LRBA: variants seen among roughly 807,000 people sequenced by gnomAD.
LRBA encodes the protein lipopolysaccharide-responsive and beige-like anchor protein.
Under a neutral mutation model 330.0 loss-of-function variants are expected in LRBA, and 176 were observed. The ratio of observed to expected loss-of-function variants is 0.53; its 90% CI spans 0.47 to 0.60. LRBA has a LOEUF of 0.60. LRBA is among the 20% of genes least tolerant of loss of function. The pLI is 0.00. For missense variants in LRBA, 3,259 were observed against 3,444.8 expected, an observed-to-expected ratio of 0.95 and a Z score of 1.35; for synonymous variants, 1,230 against 1,193.0, an observed-to-expected ratio of 1.03 and a Z score of -0.64.
chr4:150,823,353 T>G (rs998612360), intron 30 of LRBA, among the ~76,000 whole-genome samples: 1 of 152,204 alleles, frequency 6.6e-6, no homozygotes, highest in South Asian at 2.1e-4. Flanking sequence ...TTCTGATTAT[T>G]AGAACCCTTG....
chr4:150,783,108 C>G (rs763414647), intron 34 of LRBA, among the ~76,000 whole-genome samples: 8 of 152,104 alleles, frequency 5.3e-5, no homozygotes, highest in Admixed American at 2.0e-4. Flanking sequence ...GATATCACAC[C>G]GAGCAATCTA....
chr4:150,570,906 G>T (rs1013078669), intron 40 of LRBA, among the ~76,000 whole-genome samples: 1 of 152,124 alleles, frequency 6.6e-6, no homozygotes, highest in Non-Finnish European at 1.5e-5. Context: ...AATACAGAGT[G>T]TCAAATTGAC....
In LRBA at chr4:151,014,459, T is replaced by C. The variant is rs368681065; in HGVS notation, c.184A>G (p.Asn62Asp). The stretch of plus-strand genomic sequence containing the variant: ...AAGACAGTTTCTACAATATCCCTAT[T>C]GGATACTTCTCCAACTTCAACCAAA... ...TGLVEVGEVS[N>D]RDIVETVFNL... Residue 62 changes from asparagine to aspartate, a missense_variant, in exon 2 of 57, where the codon AAT (asparagine) becomes GAT (aspartate). By Grantham distance (23) the Asn-to-Asp change is conservative (BLOSUM62 1). Coordinates refer to ENST00000651943, the MANE Select transcript of LRBA (RefSeq NM_001364905.1). 68 of 1,614,076 alleles carry C rather than the reference T, an allele frequency of 4.2e-5. No homozygotes were observed. The highest frequency in any genetic ancestry group is 1.3e-4 in the Admixed American group (8 of 60,004).
chr4:150,421,175 C>T (rs1256367376), intron 46 of LRBA, among the ~76,000 whole-genome samples: 5 of 123,202 alleles, frequency 4.1e-5, no homozygotes, highest in Admixed American at 9.3e-5. Context: ...ATATATAATA[C>T]ATAGATAATA....
At position 150,835,807 on chromosome 4, in the gene LRBA, G is replaced by A. The variant is rs190509473; in HGVS notation, c.4570-3831C>T. On this transcript the variant is annotated intron_variant, in intron 28 of 56. Transcript: ENST00000651943. ...ATACCCTTTCTTTCTTTCTCCTGAC[G>A]GATTGCCCTGGCCAGAACTTCCAAC... Among the ~76,000 whole-genome samples, 250 of 152,014 alleles carry A rather than the reference G, an allele frequency of 1.6e-3. 1 individual carries two copies. Among genetic ancestry groups the A allele is most frequent in the Admixed American group, 3.7e-3 (57 of 15,244 alleles).
intron 53 of LRBA, among the ~76,000 whole-genome samples, chr4:150,290,261 TGC>T (rs1456940070): frequency 6.6e-6 from 1 of 152,146 alleles, no homozygotes; most frequent in Non-Finnish European, 1.5e-5. Flanking sequence ...TTTTCAAAGA[TGC>T]CAAAACTATC....
rs771878927 is a variant in LRBA, at chr4:150,321,400, A to G, written c.7453-32T>C. 4 of 1,521,096 alleles carry G rather than the reference A, an allele frequency of 2.6e-6. No homozygotes were observed. Among genetic ancestry groups the G allele is most frequent in the African/African-American group, 1.4e-5 (1 of 69,966 alleles). The allele number at this position is 1,521,096 out of a possible 1,614,324, so 94.2% of individuals were successfully genotyped here. A position where few individuals can be genotyped will look rare whatever the true frequency, so the allele number is the denominator to read the frequency against. On this transcript the variant is annotated intron_variant, in intron 49 of 56. Coordinates refer to ENST00000651943, the MANE Select transcript of LRBA (RefSeq NM_001364905.1). This position sits in a 1 kb window ranked among gnomAD's most constrained non-coding sequence, Gnocchi z 4.5. ...GAGGAGATACTGTTGAGTGGGCATG[A>G]CAAGACCCAAATAGACAAGAAGGAA...
At chr4:150,590,690 A>G (rs1772708507) in intron 39 of LRBA, 23 bp downstream of exon 39, 2 of 1,610,200 alleles carry the variant, frequency 1.2e-6, no homozygotes, top group Non-Finnish European at 1.7e-6. Flanking sequence ...TAGCTGAAAT[A>G]TCTGCACAAC....
chr4:150,621,911 G>A (rs1446238409), intron 37 of LRBA, among the ~76,000 whole-genome samples: 1 of 152,164 alleles, frequency 6.6e-6, no homozygotes, highest in Non-Finnish European at 1.5e-5. Flanking sequence ...AGAAGGTCTA[G>A]CATAGATAAA....
intron 40 of LRBA, among the ~76,000 whole-genome samples, chr4:150,494,134 T>C (rs948500860): frequency 2.0e-5 from 3 of 152,096 alleles, no homozygotes; most frequent in African/African-American, 7.2e-5. Context: ...AAATATTTGA[T>C]ACAAAATTCC....
chr4:150,608,782 C>A (rs1774932447), intron 37 of LRBA, among the ~76,000 whole-genome samples: 1 of 152,172 alleles, frequency 6.6e-6, no homozygotes, highest in Non-Finnish European at 1.5e-5. Context: ...CAGCCCCTGG[C>A]AATGATGAGC....
intron 36 of LRBA, among the ~76,000 whole-genome samples, chr4:150,693,622 T>C (rs946806146): frequency 1.4e-5 from 2 of 146,222 alleles, no homozygotes; most frequent in Non-Finnish European, 3.0e-5. Flanking sequence ...AGAAACATAC[T>C]TAAGTTTTGA....
intron 42 of LRBA, among the ~76,000 whole-genome samples, chr4:150,474,916 T>C (rs985581883): frequency 5.9e-5 from 9 of 152,152 alleles, no homozygotes; most frequent in Admixed American, 1.3e-4. Context: ...GATGTACGTA[T>C]TGGGAGTTTT....
intron 17 of LRBA, among the ~76,000 whole-genome samples, chr4:150,880,189 C>T (rs985837368): frequency 2.6e-5 from 4 of 152,184 alleles, no homozygotes; most frequent in African/African-American, 7.2e-5. Context: ...GCTGGTTAGC[C>T]ATATGCAGAA....
rs1415726222 is a variant in LRBA at position 150,852,261 on chromosome 4, T to C, written c.3449A>G (p.Asn1150Ser). 9.3e-6 allele frequency: 15 copies of C among 1,614,026 alleles called. No homozygotes were observed. The East Asian group carries it at 3.1e-4, about 34-fold the overall frequency. Reference protein sequence around the residue: ...EAGEKLDMFGNDDKLIFQEGK... With the variant: ...EAGEKLDMFGSDDKLIFQEGK... ...TTCTTGAAATATTAATTTGTCATCA[T>C]TACCAAACATGTCCAGTTTTTCACC... Residue 1150 changes from asparagine to serine, a missense_variant, in exon 23 of 57, where the codon AAT becomes AGT. Coordinates refer to ENST00000651943, the MANE Select transcript of LRBA (RefSeq NM_001364905.1).
Position 151,014,513 on chromosome 4 carries a change from T to C in LRBA, c.130A>G (p.Ile44Val), listed in dbSNP as rs199922826. ...GTCAACACGGCAAATTTCATTCTGA[T>C]GCCCCTGATGGGGAGCCCTGGTTTC... ...SLKPGLPIRG[I>V]RMKFAVLTGL... The change falls in exon 2 of 57, where the codon ATC becomes GTC. Residue 44 changes from isoleucine to valine, a missense_variant. Transcript: ENST00000651943. 16 of 1,614,096 alleles carry C rather than the reference T, an allele frequency of 9.9e-6. No individual in the cohort carries two copies. Among genetic ancestry groups the C allele is most frequent in the Middle Eastern group, 1.6e-4 (1 of 6,084 alleles).
At chr4:150,513,516 G>C (rs1485257701) in intron 40 of LRBA, among the ~76,000 whole-genome samples, 1 of 152,166 alleles carries the variant, frequency 6.6e-6, no homozygotes, top group Non-Finnish European at 1.5e-5. Context: ...GCACCCACCT[G>C]GGTCTGTTCA....
intron 4 of LRBA, among the ~76,000 whole-genome samples, chr4:150,922,394 G>GTGTATATATA (rs1554000209): frequency 7.2e-6 from 1 of 139,708 alleles, no homozygotes; most frequent in Non-Finnish European, 1.5e-5. Context: ...AGAAACTGTG[G>GTGTATATATA]TATATATATA....
intron 40 of LRBA, among the ~76,000 whole-genome samples, chr4:150,500,664 G>A (rs1341892196): frequency 6.6e-6 from 1 of 152,202 alleles, no homozygotes; most frequent in African/African-American, 2.4e-5. Flanking sequence ...TTTACTGATA[G>A]ACTATTCTGT....
Sources: allele counts gnomAD v4.1 joint callset (sites outside exome capture counted in the v4.1 genomes callset), GRCh38; gene constraint gnomAD v4.1.1; non-coding constraint Gnocchi (gnomAD v3.1); transcripts MANE v1.5; gene names NCBI Gene and HGNC (gene_info 2026-07-23, HGNC 2026-07-21).